The following PHACTR3 variants were observed in gnomAD, a reference collection of about 807,000 sequenced individuals.
PHACTR3 encodes phosphatase and actin regulator 3.
PHACTR3 carries 16 observed loss-of-function variants against 66.8 expected under a neutral mutation model. That is an observed-to-expected ratio of 0.24 (90% confidence interval 0.16 to 0.36). The LOEUF (loss-of-function observed/expected upper bound fraction) is 0.36, where lower values mean the gene tolerates loss of function less well. PHACTR3 is among the 10% of genes least tolerant of loss of function. The pLI is 1.00. For synonymous variants in PHACTR3, 323 were observed against 292.1 expected, an observed-to-expected ratio of 1.11 and a Z score of -1.08; for missense variants, 647 against 719.9, an observed-to-expected ratio of 0.90 and a Z score of 1.16.
intron 7 of PHACTR3, among the ~76,000 whole-genome samples, chr20:59,784,258 T>C (rs2040828696): frequency 6.6e-6 from 1 of 152,110 alleles, no homozygotes; most frequent in African/African-American, 2.4e-5. Context: ...ATGAGTCAAT[T>C]CCTTAAAATA....
Position 59,830,509 on chromosome 20 carries a change from T to C in PHACTR3, c.1329-5996T>C, listed in dbSNP as rs1243747018. ...CAGATGTTGAAAGAGGGTGTGAGCA[T>C]CCGTCTGATGGAGGAGGCTGTGAGT... On this transcript the variant is annotated intron_variant, in intron 8 of 12. Transcript: ENST00000371015. The surrounding 1 kb of genome is among the most constrained non-coding windows in gnomAD (Gnocchi z 5.8). 1.3e-5 allele frequency among the ~76,000 whole-genome samples: 2 copies of C among 151,956 alleles called. No homozygotes were observed. The highest frequency in any genetic ancestry group is 4.8e-5 in the African/African-American group (2 of 41,358).
intron 4 of PHACTR3, among the ~76,000 whole-genome samples, chr20:59,759,952 G>A (rs1048657598): frequency 2.6e-5 from 4 of 152,128 alleles, no homozygotes; most frequent in African/African-American, 9.7e-5. Flanking sequence ...GTGCCCCGTG[G>A]GTGATGGTCT....
intron 1 of PHACTR3, among the ~76,000 whole-genome samples, chr20:59,672,174 T>C (rs939172829): frequency 6.6e-6 from 1 of 152,194 alleles, no homozygotes; most frequent in Non-Finnish European, 1.5e-5. Context: ...CCAGGGATAC[T>C]GCTAAGTACC....
At chr20:59,671,995 C>G (rs1173574982) in intron 1 of PHACTR3, among the ~76,000 whole-genome samples, 2 of 152,236 alleles carry the variant, frequency 1.3e-5, no homozygotes, top group African/African-American at 4.8e-5. Context: ...AAATGTGGCC[C>G]ATCAGGCCTC....
In PHACTR3 at chr20:59,770,952, C is replaced by T. The variant is rs536344319; in HGVS notation, c.752-2327C>T. Among the ~76,000 whole-genome samples, 4 of 152,332 alleles carry T rather than the reference C, an allele frequency of 2.6e-5. No homozygotes were observed. The South Asian group carries it at 8.3e-4, about 32-fold the overall frequency. ...TGCGATGTGCTGTTCTCAGCCCCCACCTTTTCCTGGCAGCCTGCCCCTGAG... is the reference window on the plus strand; with the variant it reads ...TGCGATGTGCTGTTCTCAGCCCCCATCTTTTCCTGGCAGCCTGCCCCTGAG... On this transcript the variant is annotated intron_variant, in intron 5 of 12. Coordinates refer to ENST00000371015, the MANE Select transcript of PHACTR3 (RefSeq NM_080672.5).
At position 59,773,316 on chromosome 20, in the gene PHACTR3, T is replaced by C. The variant is rs767112366; in HGVS notation, c.789T>C (p.Ser263=). ...TCTTCCAAGCCTCCAGCATGAAGAG[T>C]GCCGACCCTTCCCTCCGGGGCCAGC... The part of the protein sequence containing the change: ...ATLFQASSMK[S]ADPSLRGQLS... Residue 263 remains serine (S), a synonymous_variant, in exon 6 of 13, where the codon AGT becomes AGC. Transcript: ENST00000371015. 3.7e-6 allele frequency: 6 copies of C among 1,614,058 alleles called. No individual in the cohort carries two copies. Among genetic ancestry groups the C allele is most frequent in the Non-Finnish European group, 4.2e-6 (5 of 1,180,006 alleles).
At chr20:59,709,778 T>C (rs1197623224) in intron 1 of PHACTR3, among the ~76,000 whole-genome samples, 2 of 152,058 alleles carry the variant, frequency 1.3e-5, no homozygotes, top group East Asian at 3.9e-4. Context: ...CTGGGTGGTG[T>C]TGGGGGAGAT....
At chr20:59,683,242 G>A (rs571075274) in intron 1 of PHACTR3, among the ~76,000 whole-genome samples, 6 of 152,334 alleles carry the variant, frequency 3.9e-5, no homozygotes, top group African/African-American at 9.6e-5. Flanking sequence ...GTTTCAGGGA[G>A]AGAGCAGTTC....
At chr20:59,764,944 C>T (rs2146859263) in intron 4 of PHACTR3, among the ~76,000 whole-genome samples, 1 of 152,324 alleles carries the variant, frequency 6.6e-6, no homozygotes, top group Non-Finnish European at 1.5e-5. Context: ...AGGAACTTGG[C>T]TGCCGAGGAA....
chr20:59,797,377 T>C (rs1263796751), intron 7 of PHACTR3, among the ~76,000 whole-genome samples: 2 of 152,218 alleles, frequency 1.3e-5, no homozygotes, highest in Non-Finnish European at 2.9e-5. Context: ...TGGTTTTTTT[T>C]TTGGCAGCAT....
At chr20:59,607,573 A>C (rs1267843184) in intron 1 of PHACTR3, among the ~76,000 whole-genome samples, 2 of 152,246 alleles carry the variant, frequency 1.3e-5, no homozygotes, top group Non-Finnish European at 2.9e-5. Context: ...GACTCAAAGC[A>C]TTCTTCAAAA....
chr20:59,589,968 C>T (rs895203328), intron 1 of PHACTR3, among the ~76,000 whole-genome samples: 4 of 152,244 alleles, frequency 2.6e-5, no homozygotes, highest in Admixed American at 6.5e-5. Flanking sequence ...GTCGTGGAGT[C>T]TAGGCTCTTC....
intron 7 of PHACTR3, among the ~76,000 whole-genome samples, chr20:59,777,435 A>G (rs1225891874): frequency 2.0e-5 from 3 of 152,068 alleles, no homozygotes; most frequent in African/African-American, 4.8e-5. Context: ...TTTGACCCAC[A>G]AAGTCCCCTC....
chr20:59,795,500 T>A (rs2041227900), intron 7 of PHACTR3, among the ~76,000 whole-genome samples: 1 of 152,128 alleles, frequency 6.6e-6, no homozygotes, highest in South Asian at 2.1e-4. Flanking sequence ...TATGTCTGTT[T>A]TGTCTAAAGT....
chr20:59,704,347 T>G (rs1215753252), intron 1 of PHACTR3, among the ~76,000 whole-genome samples: 1 of 152,138 alleles, frequency 6.6e-6, no homozygotes, highest in Non-Finnish European at 1.5e-5. Flanking sequence ...TTTAGTATTT[T>G]TTTCTTTAAG....
At chr20:59,763,684 C>A (rs2040080026) in intron 4 of PHACTR3, among the ~76,000 whole-genome samples, 1 of 152,150 alleles carries the variant, frequency 6.6e-6, no homozygotes, top group Non-Finnish European at 1.5e-5. Flanking sequence ...ATGAGAATGA[C>A]CTGTGAGAAG....
chr20:59,760,864 ACACT>A (rs1297665373), intron 4 of PHACTR3, among the ~76,000 whole-genome samples: 4 of 152,122 alleles, frequency 2.6e-5, no homozygotes, highest in Non-Finnish European at 4.4e-5. Context: ...AAGGAGAGTG[ACACT>A]CAGGGAGCGT....
At chr20:59,620,505 G>T (rs2034191146) in intron 1 of PHACTR3, among the ~76,000 whole-genome samples, 1 of 152,212 alleles carries the variant, frequency 6.6e-6, no homozygotes, top group African/African-American at 2.4e-5. Flanking sequence ...CCTTTGAAGA[G>T]TGCTTTCAGT....
At chr20:59,699,729 C>T (rs1400236006) in intron 1 of PHACTR3, among the ~76,000 whole-genome samples, 1 of 151,978 alleles carries the variant, frequency 6.6e-6, no homozygotes, top group Non-Finnish European at 1.5e-5. Context: ...TTTGGGAGGC[C>T]GAGGTGGGTG....
Sources: gnomAD v4.1 joint callset for allele counts (sites outside exome capture counted in the v4.1 genomes callset) on GRCh38, gnomAD v4.1.1 for gene constraint, Gnocchi (gnomAD v3.1) non-coding constraint, MANE v1.5 for transcripts, NCBI Gene and HGNC (gene_info 2026-07-23, HGNC 2026-07-21) for gene names.